Variants in RSU1 observed in about 807,000 individuals in gnomAD.
RSU1 encodes the protein Ras suppressor protein 1.
A neutral mutation model predicts 31.1 loss-of-function variants in RSU1; 26 were observed. The observed-to-expected ratio is 0.84, with a 90% CI of 0.61 to 1.16. RSU1 has a LOEUF of 1.16. Among genes scored for constraint, RSU1 ranks in the 50% most tolerant of loss-of-function variants. The pLI is 0.00. For missense variants in RSU1, 320 were observed against 339.1 expected, an observed-to-expected ratio of 0.94 and a Z score of 0.44; for synonymous variants, 164 against 136.3, an observed-to-expected ratio of 1.20 and a Z score of -1.41.
intron 2 of RSU1, among the ~76,000 whole-genome samples, chr10:16,791,239 C>G (rs1187839947): frequency 6.6e-6 from 1 of 152,204 alleles, no homozygotes; most frequent in East Asian, 1.9e-4. Context: ...GTTGGCCAGG[C>G]TGGTCTCGAA....
At chr10:16,710,582 T>C (rs1393809137) in intron 7 of RSU1, among the ~76,000 whole-genome samples, 2 of 151,162 alleles carry the variant, frequency 1.3e-5, no homozygotes, top group African/African-American at 2.5e-5. Context: ...AGAACTGTTA[T>C]TAGTTCTTCT....
chr10:16,739,624 T>C (rs1032183139), intron 7 of RSU1, among the ~76,000 whole-genome samples: 7 of 151,810 alleles, frequency 4.6e-5, no homozygotes, highest in Non-Finnish European at 1.0e-4. Context: ...ATTTTCTTTC[T>C]TTCTTTCTTT....
Position 16,776,421 on chromosome 10 carries a change from C to G in RSU1, c.160+5613G>C, listed in dbSNP as rs528982837. On this transcript the variant is annotated intron_variant, in intron 3 of 8. Coordinates refer to ENST00000345264, the MANE Select transcript of RSU1 (RefSeq NM_012425.4). ...TTATTGAAACCACCAAAGAAGGTAT[C>G]TTAGTATTTCTTGTTTGTTATAATT... Among the ~76,000 whole-genome samples, 4 of 151,606 alleles carry G rather than the reference C, an allele frequency of 2.6e-5. No individual in the cohort carries two copies. In the South Asian group the frequency reaches 6.2e-4, roughly 24 times the overall value.
intron 2 of RSU1, among the ~76,000 whole-genome samples, chr10:16,783,364 C>CTTTTTTTTTTTTTTTTTTTT (rs57270890): frequency 6.1e-5 from 8 of 132,070 alleles, no homozygotes; most frequent in Non-Finnish European, 9.3e-5. Flanking sequence ...ACAACTTTTG[C>CTTTTTTTTTTTTTTTTTTTT]TTTTTTTTTT....
At chr10:16,801,477 C>A (rs1403671980) in intron 2 of RSU1, among the ~76,000 whole-genome samples, 2 of 152,172 alleles carry the variant, frequency 1.3e-5, no homozygotes, top group Non-Finnish European at 2.9e-5. Context: ...CAGTAATTGA[C>A]AGATCCAGCA....
intron 8 of RSU1, among the ~76,000 whole-genome samples, chr10:16,683,744 C>A (rs925576783): frequency 6.6e-6 from 1 of 152,088 alleles, no homozygotes; most frequent in African/African-American, 2.4e-5. Context: ...GTGGTTGGGG[C>A]GCAGCTTGGT....
At chr10:16,678,509 TA>T (rs1387505326) in intron 8 of RSU1, among the ~76,000 whole-genome samples, 1 of 152,180 alleles carries the variant, frequency 6.6e-6, no homozygotes, top group African/African-American at 2.4e-5. Flanking sequence ...AAAGGGAGAC[TA>T]AAAAGGAGGA....
At chr10:16,817,213 G>A in intron 1 of RSU1, 102 bp downstream of exon 1, 1 of 642,724 alleles carries the variant, frequency 1.6e-6, no homozygotes, top group Non-Finnish European at 2.8e-6. Context: ...GGCGTCCCAG[G>A]GGCTGGTCCG....
At chr10:16,671,107 C>A (rs778956350) in intron 8 of RSU1, among the ~76,000 whole-genome samples, 4 of 152,130 alleles carry the variant, frequency 2.6e-5, no homozygotes, top group Admixed American at 2.6e-4. Context: ...AATGAAAGAA[C>A]CTTGTGGTAG....
chr10:16,665,546 C>T (rs2131531581), intron 8 of RSU1, among the ~76,000 whole-genome samples: 1 of 152,206 alleles, frequency 6.6e-6, no homozygotes, highest in Middle Eastern at 3.4e-3. Flanking sequence ...TCCATTCTTC[C>T]ACAAAAAGCA....
chr10:16,773,237 T>C (rs1837457907), intron 3 of RSU1, among the ~76,000 whole-genome samples: 1 of 151,198 alleles, frequency 6.6e-6, no homozygotes, highest in African/African-American at 2.4e-5. Flanking sequence ...AATTAATCCA[T>C]CAAATCCATC....
chr10:16,794,828 C>A (rs546181438), intron 2 of RSU1, among the ~76,000 whole-genome samples: 1 of 152,274 alleles, frequency 6.6e-6, no homozygotes, highest in East Asian at 1.9e-4. Flanking sequence ...TCCTTCCTAT[C>A]TAGAATAAAA....
rs151202398 is a variant in RSU1 at position 16,789,263 on chromosome 10, C to T, written c.110-7179G>A. Among the ~76,000 whole-genome samples, 1,128 of 152,284 alleles carry T rather than the reference C, an allele frequency of 7.4e-3. 24 individuals carry two copies. The highest frequency in any genetic ancestry group is 0.025 in the African/African-American group (1,045 of 41,540). On this transcript the variant is annotated intron_variant, in intron 2 of 8. Transcript: ENST00000345264. ...AAATTCAGTCGTTGCTTCAGCCGAT[C>T]ACACCACTAGAATGTATTTTTCTTT...
chr10:16,623,310 A>G (rs1439550961), intron 8 of RSU1, among the ~76,000 whole-genome samples: 1 of 152,174 alleles, frequency 6.6e-6, no homozygotes, highest in Non-Finnish European at 1.5e-5. Flanking sequence ...TTCTGTGTTA[A>G]TTCGCTTAGG....
chr10:16,621,386 C>T (rs542587696), intron 8 of RSU1, among the ~76,000 whole-genome samples: 28 of 152,286 alleles, frequency 1.8e-4, no homozygotes, highest in African/African-American at 6.7e-4. Flanking sequence ...GGCTCTGTTT[C>T]CCGTACCCAG....
intron 8 of RSU1, among the ~76,000 whole-genome samples, chr10:16,675,214 A>AAG (rs1554765767): frequency 2.1e-4 from 31 of 151,030 alleles, no homozygotes; most frequent in African/African-American, 4.2e-4. Flanking sequence ...AAAAAAAAAA[A>AAG]AAAGAAAGAA....
intron 7 of RSU1, among the ~76,000 whole-genome samples, chr10:16,727,905 G>A (rs536455486): frequency 1.3e-5 from 2 of 152,194 alleles, no homozygotes; most frequent in South Asian, 2.1e-4. Flanking sequence ...GAGAACACAC[G>A]GATGAAGATC....
intron 8 of RSU1, among the ~76,000 whole-genome samples, chr10:16,597,198 C>T (rs1232249337): frequency 5.3e-5 from 8 of 152,264 alleles, no homozygotes; most frequent in African/African-American, 1.2e-4. Flanking sequence ...GTGTTGAATG[C>T]GGGAAGGGCT....
intron 7 of RSU1, among the ~76,000 whole-genome samples, chr10:16,727,485 G>A (rs914551838): frequency 6.6e-5 from 10 of 152,096 alleles, no homozygotes; most frequent in African/African-American, 2.4e-4. Flanking sequence ...CTACCAATAT[G>A]CAAGTATTAC....
Sources: gnomAD v4.1 joint callset for allele counts (sites outside exome capture counted in the v4.1 genomes callset) on GRCh38, gnomAD v4.1.1 for gene constraint, MANE v1.5 for transcripts, NCBI Gene and HGNC (gene_info 2026-07-23, HGNC 2026-07-21) for gene names.